TLE2: variants seen among roughly 807,000 people sequenced by gnomAD.
TLE2 encodes transducin-like enhancer protein 2.
In TLE2, 74 loss-of-function variants were observed where a neutral mutation model predicts 97.2. The ratio of observed to expected loss-of-function variants is 0.76; its 90% CI spans 0.63 to 0.92. The LOEUF (loss-of-function observed/expected upper bound fraction) is 0.92. TLE2 is among the 40% of genes least tolerant of loss of function. The pLI, the probability that TLE2 is intolerant of heterozygous loss-of-function variation, is 0.00. For synonymous variants in TLE2, 499 were observed against 432.1 expected (o/e 1.15, Z -1.92); for missense variants, 1,038 against 1,008.7 (o/e 1.03, Z -0.39).
At chr19:3,046,122 G>A (rs552286889), upstream of TLE2, among the ~76,000 whole-genome samples, 272 of 152,322 alleles carry the variant, frequency 1.8e-3, 1 homozygote, top group African/African-American at 6.5e-3. Flanking sequence ...CAGCCAGCAG[G>A]AGACTCAGCT....
intron 1 of TLE2, among the ~76,000 whole-genome samples, chr19:3,042,132 C>A (rs973543831): frequency 4.2e-5 from 6 of 141,210 alleles, no homozygotes; most frequent in Non-Finnish European, 7.6e-5. Context: ...CCCCGGGACC[C>A]GAGAAGGGGG....
Position 3,019,405 on chromosome 19 carries a change from G to A in TLE2, c.428C>T (p.Ala143Val), listed in dbSNP as rs1469180068. 1.3e-6 allele frequency: 2 copies of A among 1,539,674 alleles called. No homozygotes were observed. Among genetic ancestry groups the A allele is most frequent in the Non-Finnish European group, 8.7e-7 (1 of 1,148,330 alleles). ...CGTAGCACTGCCGCCCACCAGCCCGGCTGGGCGGGGGGTGAGGGGCACAGG... is the reference window on the plus strand; with the variant it reads ...CGTAGCACTGCCGCCCACCAGCCCGACTGGGCGGGGGGTGAGGGGCACAGG... ...APPVPLTPRP[A>V]GLVGGSATGL... is the part of the protein sequence containing the mutation. The change falls in exon 7 of 20, where the codon GCC (alanine) becomes GTC (valine). Residue 143 changes from alanine (A) to valine (V), a missense_variant. By Grantham distance (64) the Ala-to-Val change is moderately conservative (BLOSUM62 0). Coordinates refer to ENST00000262953, the MANE Select transcript of TLE2 (RefSeq NM_003260.5). The surrounding 1 kb of genome is among the most constrained non-coding windows in gnomAD (Gnocchi z 5.1).
chr19:3,018,280 T>A (rs944662734), intron 7 of TLE2, among the ~76,000 whole-genome samples: 1 of 151,524 alleles, frequency 6.6e-6, no homozygotes, highest in South Asian at 2.1e-4. Flanking sequence ...TCCAGGGGCA[T>A]GCCACCATGC....
Position 3,019,747 on chromosome 19 carries a change from T to C in TLE2, c.321A>G (p.Val107=). Residue 107 remains valine (V), a synonymous_variant, in exon 6 of 20, where the codon GTA becomes GTG. Transcript: ENST00000262953. This position sits in a 1 kb window ranked among gnomAD's most constrained non-coding sequence, Gnocchi z 5.1. ...CCACGGTGACCTGCTTGGCGCGTTCTACGGCCTGGAGCACCTGCTGCTGAT... is the reference window on the plus strand; with the variant it reads ...CCACGGTGACCTGCTTGGCGCGTTCCACGGCCTGGAGCACCTGCTGCTGAT... The part of the protein sequence containing the change: ...QEHQQQVLQA[V]ERAKQVTVGE... The C allele has an allele frequency of 6.2e-7, 1 of 1,613,242 alleles. No individual in the cohort carries two copies. Among genetic ancestry groups the C allele is most frequent in the Non-Finnish European group, 8.5e-7 (1 of 1,179,650 alleles).
rs1216770741 is a variant in TLE2, at chr19:3,006,453, C to T, written c.1467G>A (p.Gly489=). The change falls in exon 15 of 20, where the codon GGG becomes GGA. Residue 489 remains glycine, a synonymous_variant. Coordinates refer to ENST00000262953, the MANE Select transcript of TLE2 (RefSeq NM_003260.5). ...CGAGCTGGGCCACGGGCGTCTTGGC[C>T]CCAGGCTGGCCCACGTCCCACACCT... is the stretch of plus-strand genomic sequence containing the variant. ...CVKVWDVGQP[G]AKTPVAQLDC... is the part of the protein sequence containing the mutation. 3.1e-6 allele frequency: 5 copies of T among 1,610,636 alleles called. No individual in the cohort carries two copies. In the African/African-American group the frequency reaches 5.3e-5, roughly 17 times the overall value.
chr19:3,016,372 G>A (rs1366531668), intron 8 of TLE2, among the ~76,000 whole-genome samples: 16 of 142,562 alleles, frequency 1.1e-4, no homozygotes, highest in African/African-American at 4.1e-4. Context: ...TCAGGAGATT[G>A]AGACCATCCT....
chr19:3,019,417 G>T lies in TLE2; in HGVS notation c.416C>A (p.Thr139Asn), dbSNP rs1178797918. 1 of 1,538,252 alleles carries T rather than the reference G, an allele frequency of 6.5e-7. No individual in the cohort carries two copies. Among genetic ancestry groups the T allele is most frequent in the African/African-American group, 1.4e-5 (1 of 73,248 alleles). Residue 139 changes from threonine to asparagine, a missense_variant, in exon 7 of 20, where the codon ACC (threonine) becomes AAC (asparagine). By Grantham distance (65) the Thr-to-Asn change is moderately conservative. Transcript: ENST00000262953. This position sits in a 1 kb window ranked among gnomAD's most constrained non-coding sequence, Gnocchi z 5.1. The part of the protein sequence containing the change: ...LSHHAPPVPL[T>N]PRPAGLVGGS... ...GCCCACCAGCCCGGCTGGGCGGGGG[G>T]TGAGGGGCACAGGGGGTGCGTGGTG...
chr19:3,023,145 C>G (rs953155), intron 5 of TLE2, among the ~76,000 whole-genome samples: 4 of 151,862 alleles, frequency 2.6e-5, no homozygotes, highest in Admixed American at 1.3e-4. Context: ...ACCTCCACCC[C>G]CCGGGTTCAA....
chr19:3,009,761 C>T (rs1475569676), intron 12 of TLE2, 59 bp from the exon 13 acceptor site: 27 of 1,538,776 alleles, frequency 1.8e-5, no homozygotes, highest in Non-Finnish European at 2.3e-5. Flanking sequence ...CCGCCTCCCA[C>T]TGCCTTGGGA....
upstream of TLE2, among the ~76,000 whole-genome samples, chr19:3,031,384 G>GTGTGTA (rs1292437071): frequency 2.2e-5 from 3 of 137,056 alleles, no homozygotes; most frequent in Admixed American, 7.3e-5. Flanking sequence ...GTGTGTGTGT[G>GTGTGTA]TGTAGTACTC....
At chr19:3,038,533 C>G (rs1218307913) in intron 1 of TLE2, among the ~76,000 whole-genome samples, 3 of 152,234 alleles carry the variant, frequency 2.0e-5, no homozygotes, top group African/African-American at 7.2e-5. Context: ...CCTAAAGGGT[C>G]CTTCTCTCCC....
At chr19:2,998,604 G>A (rs928338174) in intron 19 of TLE2, among the ~76,000 whole-genome samples, 15 of 152,124 alleles carry the variant, frequency 9.9e-5, no homozygotes, top group African/African-American at 3.6e-4. Flanking sequence ...AGTAGAGACT[G>A]GGTTTCCCCA....
chr19:3,026,605 CAATCTCAGAACCCTG>C (rs2089949132), intron 4 of TLE2, among the ~76,000 whole-genome samples: 1 of 84,148 alleles, frequency 1.2e-5, no homozygotes, highest in Non-Finnish European at 2.3e-5. Context: ...ACCCTGAGGT[CAATCTCAGAACCCTG>C]AGGTCTATCT....
intron 19 of TLE2, 39 bp downstream of exon 19, chr19:3,000,608 A>G: frequency 1.3e-6 from 2 of 1,548,810 alleles, no homozygotes; most frequent in Non-Finnish European, 1.7e-6. Flanking sequence ...ACCCGGGCAC[A>G]TGGCCCTGCC....
At chr19:3,027,758 C>T (rs1027725647) in intron 4 of TLE2, 71 bp downstream of exon 4, 16 of 1,534,266 alleles carry the variant, frequency 1.0e-5, no homozygotes, top group Non-Finnish European at 1.4e-5. Flanking sequence ...CGGCTGCCCA[C>T]TCTGGGTCCT....
intron 17 of TLE2, among the ~76,000 whole-genome samples, chr19:3,003,165 C>A (rs924303497): frequency 1.2e-4 from 19 of 152,208 alleles, no homozygotes; most frequent in Admixed American, 5.2e-4. Context: ...CAGAATTACA[C>A]AGAACCCTAG....
rs1453704429 is a variant in TLE2 at position 3,028,725 on chromosome 19, G to C, written c.103C>G (p.Leu35Val). ...CDRIKEEFQF[L>V]QAQYHSLKLE... ...CCTCACCTGTGGTATTGAGCCTGAA[G>C]AAACTGGAATTCTTCTTTGATGCGG... Residue 35 changes from leucine to valine, a missense_variant, in exon 2 of 20, where the codon CTT becomes GTT. By Grantham distance (32) the Leu-to-Val change is conservative (BLOSUM62 1). Coordinates refer to ENST00000262953, the MANE Select transcript of TLE2 (RefSeq NM_003260.5). 1 of 1,612,854 alleles carries C rather than the reference G, an allele frequency of 6.2e-7. No homozygotes were observed. The highest frequency in any genetic ancestry group is 1.3e-5 in the African/African-American group (1 of 74,912).
chr19:3,018,570 G>C (rs1353608778), intron 7 of TLE2, among the ~76,000 whole-genome samples: 1 of 151,846 alleles, frequency 6.6e-6, no homozygotes, highest in African/African-American at 2.4e-5. Context: ...TGGGATTACA[G>C]GCGTGAACCA....
intron 1 of TLE2, among the ~76,000 whole-genome samples, chr19:3,043,568 C>T (rs910200738): frequency 1.3e-5 from 2 of 150,586 alleles, no homozygotes; most frequent in Non-Finnish European, 2.9e-5. Context: ...GAGGCCAAGA[C>T]GAGCGGATCA....
Sources: gnomAD v4.1 joint callset for allele counts (sites outside exome capture counted in the v4.1 genomes callset) on GRCh38, gnomAD v4.1.1 for gene constraint, Gnocchi (gnomAD v3.1) non-coding constraint, MANE v1.5 for transcripts, NCBI Gene and HGNC (gene_info 2026-07-23, HGNC 2026-07-21) for gene names.